The following LRP2 variants were observed in gnomAD, a reference collection of about 807,000 sequenced individuals.
LRP2 encodes the protein LDL receptor related protein 2.
A neutral mutation model predicts 531.0 loss-of-function variants in LRP2; 172 were observed. The observed-to-expected ratio is 0.32, with a 90% CI of 0.29 to 0.37. LRP2 has a LOEUF of 0.37. Ranked by LOEUF, LRP2 falls within the 10% of genes least tolerant of loss-of-function variation. The pLI is 1.00. For synonymous variants in LRP2, 1,992 were observed against 2,027.6 expected (o/e 0.98, Z 0.47); for missense variants, 5,167 against 5,868.3 (o/e 0.88, Z 3.90).
At position 169,168,682 on chromosome 2, in the gene LRP2, A is replaced by G; in HGVS notation, c.11498-6T>C. On this transcript the variant is annotated splice_polypyrimidine_tract_variant and splice_region_variant and intron_variant, in intron 60 of 78. Transcript: ENST00000649046. Reference sequence around the variant, plus strand: ...ACCATCAGGAAAGCGTGTGGCTGCCATGGGGGAAAAAAACATATTCAAATT... The same window carrying G: ...ACCATCAGGAAAGCGTGTGGCTGCCGTGGGGGAAAAAAACATATTCAAATT... 6.2e-7 allele frequency: 1 copy of G among 1,612,776 alleles called. No individual in the cohort carries two copies. The highest frequency in any genetic ancestry group is 1.1e-5 in the South Asian group (1 of 91,048).
rs188970678 is a variant in LRP2 at position 169,216,564 on chromosome 2, G to A, written c.5649-134C>T. ...GGCAAAGGCTGAAAATCAATATCTC[G>A]TTGCATACAACGTGGAGGGGTACTT... On this transcript the variant is annotated intron_variant, in intron 34 of 78. Transcript: ENST00000649046. The A allele has an allele frequency of 7.4e-5, 61 of 821,978 alleles. 1 individual carries two copies. The highest frequency in any genetic ancestry group is 5.6e-4 in the South Asian group (35 of 62,190). 50.9% of individuals were successfully genotyped at this position (821,978 alleles called of 1,614,324 possible).
rs773236093 is a variant in LRP2, at chr2:169,129,022, G to T, written c.13791C>A (p.Ile4597=). 6.2e-7 allele frequency: 1 copy of T among 1,609,784 alleles called. No homozygotes were observed. The highest frequency in any genetic ancestry group is 1.7e-5 in the Admixed American group (1 of 60,004). The change falls in exon 78 of 79, where the codon ATC becomes ATA. Residue 4597 remains isoleucine (I), a synonymous_variant. Transcript: ENST00000649046. ...AATTGTTAAAAATTACCTGTGCATA[G>T]ATTGGATTTTCAAAGTTGGTAGTTT... ...SKQTTNFENP[I]YAQMENEQKE...
chr2:169,151,294 A>G (rs1307782474), intron 67 of LRP2, among the ~76,000 whole-genome samples: 1 of 152,202 alleles, frequency 6.6e-6, no homozygotes, highest in African/African-American at 2.4e-5. Flanking sequence ...AATTAACTCA[A>G]TTCCAAAGAC....
chr2:169,206,656 T>C lies in LRP2; in HGVS notation c.7064A>G (p.His2355Arg), dbSNP rs576596052. ...CAATCCAGGCAGAGCAAAGCAGAGA[T>C]GAGAGCACCCACCATTGTTTTCCAA... ...PCLENNGGCS[H>R]LCFALPGLHT... The change falls in exon 39 of 79, where the codon CAT (histidine) becomes CGT (arginine). Residue 2355 changes from histidine (H) to arginine (R), a missense_variant. His to Arg is a conservative substitution (Grantham distance 29). Transcript: ENST00000649046. The C allele has an allele frequency of 1.2e-5, 19 of 1,614,154 alleles. No individual in the cohort carries two copies. The African/African-American group carries it at 1.7e-4, about 15-fold the overall frequency.
In LRP2 at chr2:169,292,266, A is replaced by C; in HGVS notation, c.756T>G (p.Asp252Glu). 2 of 1,610,906 alleles carry C rather than the reference A, an allele frequency of 1.2e-6. No homozygotes were observed. Among genetic ancestry groups the C allele is most frequent in the Non-Finnish European group, 1.7e-6 (2 of 1,177,092 alleles). The part of the protein sequence containing the change: ...DGEDDCKDNG[D>E]EDGCESGPHD... ...TCCCCTCCTTACCACATCCATCTTC[A>C]TCTCCATTATCTTTACAGTCATCTT... The change falls in exon 7 of 79, where the codon GAT (aspartate) becomes GAG (glutamate). Residue 252 changes from aspartate to glutamate, a missense_variant. This residue lies in a region of LRP2 where 2,811 missense variants were observed against 3,058.0 expected (regional missense o/e 0.92). Coordinates refer to ENST00000649046, the MANE Select transcript of LRP2 (RefSeq NM_004525.3).
intron 53 of LRP2, 75 bp from the exon 54 acceptor site, chr2:169,176,663 C>G: frequency 7.5e-7 from 1 of 1,324,876 alleles, no homozygotes; most frequent in Non-Finnish European, 1.1e-6. Flanking sequence ...GATTACACAT[C>G]TTGACTTTAA....
At position 169,212,207 on chromosome 2, in the gene LRP2, T is replaced by C. The variant is rs1184139425; in HGVS notation, c.6041A>G (p.Asn2014Ser). 1.2e-6 allele frequency: 2 copies of C among 1,613,988 alleles called. No individual in the cohort carries two copies. Among genetic ancestry groups the C allele is most frequent in the Admixed American group, 1.7e-5 (1 of 60,000 alleles). ...LRGLQVYHRR[N>S]AAESSNGCSN... ...ACAGCCATTTGAGGATTCGGCGGCA[T>C]CTAAATGAAAACAAAATCCATTTGT... The change falls in exon 37 of 79, where the codon AAT becomes AGT. Residue 2014 changes from asparagine to serine, a missense_variant and splice_region_variant. This residue lies in a region of LRP2 where 2,811 missense variants were observed against 3,058.0 expected (regional missense o/e 0.92). Transcript: ENST00000649046.
intron 31 of LRP2, among the ~76,000 whole-genome samples, chr2:169,229,974 A>G (rs1689342969): frequency 6.6e-6 from 1 of 152,296 alleles, no homozygotes; most frequent in African/African-American, 2.4e-5. Context: ...ACCTTTTTTC[A>G]TTTAACATAT....
At chr2:169,356,586 A>ACG (rs1685993934) in intron 1 of LRP2, among the ~76,000 whole-genome samples, 3 of 152,228 alleles carry the variant, frequency 2.0e-5, no homozygotes, top group Non-Finnish European at 4.4e-5. Flanking sequence ...TTTCCCAGAT[A>ACG]ATAAATGGCA....
At chr2:169,159,105 G>A (rs1007547497) in intron 63 of LRP2, among the ~76,000 whole-genome samples, 3 of 152,088 alleles carry the variant, frequency 2.0e-5, no homozygotes, top group African/African-American at 4.8e-5. Flanking sequence ...AAAAACTGGC[G>A]AAGATGAACA....
chr2:169,276,959 C>T (rs901424715), intron 13 of LRP2, among the ~76,000 whole-genome samples: 2 of 151,836 alleles, frequency 1.3e-5, no homozygotes, highest in Non-Finnish European at 2.9e-5. Context: ...CTTTGGGAGG[C>T]TGAGGCAGGC....
chr2:169,130,934 G>A (rs1392875483), intron 77 of LRP2, among the ~76,000 whole-genome samples: 2 of 152,326 alleles, frequency 1.3e-5, no homozygotes, highest in East Asian at 1.9e-4. Flanking sequence ...CAGACATGCA[G>A]ATCAGAGGTT....
chr2:169,361,869 G>A (rs1309895124), intron 1 of LRP2, among the ~76,000 whole-genome samples: 1 of 152,116 alleles, frequency 6.6e-6, no homozygotes, highest in African/African-American at 2.4e-5. Flanking sequence ...CTGGCCCGCG[G>A]CCCTGGGCGC....
intron 1 of LRP2, among the ~76,000 whole-genome samples, chr2:169,327,122 C>A (rs1176092559): frequency 1.4e-5 from 2 of 141,148 alleles, no homozygotes; most frequent in African/African-American, 5.1e-5. Context: ...CCGCCCCATC[C>A]GGGAGGGAGG....
chr2:169,232,859 G>A lies in LRP2; in HGVS notation c.5098+552C>T, dbSNP rs148774167. 1.9e-4 allele frequency among the ~76,000 whole-genome samples: 29 copies of A among 152,308 alleles called. No individual in the cohort carries two copies. The East Asian group carries it at 5.6e-3, about 29-fold the overall frequency. ...AGCAGCCACATGCTGAAGGGTGTGA[G>A]AAACAATTGGAGAGTTTTGAGGAGA... On this transcript the variant is annotated intron_variant, in intron 30 of 78. Coordinates refer to ENST00000649046, the MANE Select transcript of LRP2 (RefSeq NM_004525.3).
At chr2:169,259,795 A>G (rs1437250794) in intron 16 of LRP2, among the ~76,000 whole-genome samples, 1 of 151,932 alleles carries the variant, frequency 6.6e-6, no homozygotes, top group East Asian at 1.9e-4. Context: ...GCTTTCTTTT[A>G]CCCTCTTTTT....
chr2:169,318,958 G>C, intron 2 of LRP2, 74 bp from the exon 3 acceptor site: 1 of 1,571,188 alleles, frequency 6.4e-7, no homozygotes, highest in Non-Finnish European at 8.7e-7. Flanking sequence ...GCTTGTTCCA[G>C]AAGAGTGTAT....
At chr2:169,294,093 G>GAAAAA in intron 6 of LRP2, 55 bp downstream of exon 6, 1 of 1,304,116 alleles carries the variant, frequency 7.7e-7, no homozygotes. Context: ...AAACAAAACC[G>GAAAAA]AAACAAAACA....
Position 169,275,201 on chromosome 2 carries a change from G to A in LRP2, c.1810C>T (p.Pro604Ser). Reference protein sequence around the residue: ...VVHGGSLIPHPFGVSLFEGQV... With the variant: ...VVHGGSLIPHSFGVSLFEGQV... ...CCTTCAAATAAGCTTACTCCAAAGG[G>A]ATGAGGAATGAGGGAGCCTCCATGA... is the stretch of plus-strand genomic sequence containing the variant. The change falls in exon 14 of 79, where the codon CCC becomes TCC. Residue 604 changes from proline to serine, a missense_variant. By Grantham distance (74) the Pro-to-Ser change is moderately conservative (BLOSUM62 -1). Around this residue, in one of 6 missense-constraint regions of LRP2, gnomAD observed 2,811 missense variants for 3,058.0 expected, o/e 0.92. Coordinates refer to ENST00000649046, the MANE Select transcript of LRP2 (RefSeq NM_004525.3). The A allele has an allele frequency of 6.2e-7, 1 of 1,613,740 alleles. No homozygotes were observed. Among genetic ancestry groups the A allele is most frequent in the Non-Finnish European group, 8.5e-7 (1 of 1,179,788 alleles).
Sources: allele counts gnomAD v4.1 joint callset (sites outside exome capture counted in the v4.1 genomes callset), GRCh38; gene constraint gnomAD v4.1.1; regional missense constraint gnomAD v4.1.1; transcripts MANE v1.5; gene names NCBI Gene and HGNC (gene_info 2026-07-23, HGNC 2026-07-21).